Variants in SENP6 observed in about 807,000 individuals in gnomAD.
SENP6 encodes the protein SUMO specific peptidase 6.
SENP6 carries 41 observed loss-of-function variants against 134.5 expected under a neutral mutation model. The ratio of observed to expected loss-of-function variants is 0.30; its 90% CI spans 0.24 to 0.40. The LOEUF (loss-of-function observed/expected upper bound fraction) is 0.40, where lower values mean the gene tolerates loss of function less well. Among genes scored for constraint, SENP6 ranks in the 10% least tolerant of loss-of-function variants. The pLI is 1.00. For synonymous variants in SENP6, 395 were observed against 429.8 expected (o/e 0.92, Z 1.00); for missense variants, 1,248 against 1,312.5 (o/e 0.95, Z 0.76).
chr6:75,648,240 GGTGA>G (rs754135870), intron 7 of SENP6, among the ~76,000 whole-genome samples: 2 of 151,924 alleles, frequency 1.3e-5, no homozygotes, highest in Admixed American at 6.6e-5. Context: ...GGAAAATCAT[GGTGA>G]GTAAGTATTT....
At chr6:75,706,317 A>C (rs182165815) in intron 19 of SENP6, among the ~76,000 whole-genome samples, 1 of 152,288 alleles carries the variant, frequency 6.6e-6, no homozygotes, top group East Asian at 1.9e-4. Flanking sequence ...ATTAGACTGT[A>C]TGCTTTAAAT....
chr6:75,717,637 A>G lies in SENP6; in HGVS notation c.*2043A>G, dbSNP rs183054603. On this transcript the variant is annotated 3_prime_UTR_variant, in exon 24 of 24. Coordinates refer to ENST00000447266, the MANE Select transcript of SENP6 (RefSeq NM_015571.4). ...CTAGACTTGAGAATCTTTCGTGTAT[A>G]TGCACATTCACTTGATAATTGTGTA... The G allele has an allele frequency of 1.0e-3, 159 of 152,282 alleles. No individual in the cohort carries two copies. The highest frequency in any genetic ancestry group is 3.7e-3 in the African/African-American group (154 of 41,580). 9.4% of individuals were successfully genotyped at this position (152,282 alleles called of 1,614,324 possible). A position where few individuals can be genotyped will look rare whatever the true frequency, so the allele number is the denominator to read the frequency against.
At chr6:75,693,406 A>AT (rs1450049376) in intron 16 of SENP6, among the ~76,000 whole-genome samples, 2 of 122,892 alleles carry the variant, frequency 1.6e-5, no homozygotes, top group Non-Finnish European at 3.5e-5. Context: ...TCAGTCTGAA[A>AT]TTTAAAAAAA....
chr6:75,706,429 T>C (rs957721832), intron 19 of SENP6, among the ~76,000 whole-genome samples: 40 of 151,972 alleles, frequency 2.6e-4, no homozygotes, highest in African/African-American at 9.7e-4. Flanking sequence ...TGAATTAAGG[T>C]ACTTGACTTA....
rs1479558878 is a variant in SENP6, at chr6:75,601,941, CCT to C, written c.-583_-582del. ...GAGGCGGTGGCAGAGGAGACCCACCCCTGTCCACATGGACAGTCGCAAAGGCC... is the reference window on the plus strand; with the variant it reads ...GAGGCGGTGGCAGAGGAGACCCACCCGTCCACATGGACAGTCGCAAAGGCC... On this transcript the variant is annotated 5_prime_UTR_variant, in exon 1 of 24. Transcript: ENST00000447266. 1 of 152,164 alleles carries C rather than the reference CCT, an allele frequency of 6.6e-6. No homozygotes were observed. The highest frequency in any genetic ancestry group is 1.5e-5 in the Non-Finnish European group (1 of 68,052). The allele number at this position is 152,164 out of a possible 1,614,324, so 9.4% of individuals were successfully genotyped here.
intron 9 of SENP6, 57 bp downstream of exon 9, chr6:75,663,575 A>G (rs1771942729): frequency 7.4e-7 from 1 of 1,357,082 alleles, no homozygotes. Context: ...TTTCAGATAT[A>G]TTTTTACAAC....
At chr6:75,645,540 C>T (rs982201035) in intron 6 of SENP6, among the ~76,000 whole-genome samples, 1 of 152,092 alleles carries the variant, frequency 6.6e-6, no homozygotes, top group African/African-American at 2.4e-5. Context: ...TCACTTGAAC[C>T]CGGGAGGCAG....
At chr6:75,675,367 T>C in intron 11 of SENP6, 68 bp from the exon 12 acceptor site, 1 of 879,028 alleles carries the variant, frequency 1.1e-6, no homozygotes, top group South Asian at 1.5e-5. Context: ...TCTAAGTATT[T>C]GAATAAAAAA....
intron 10 of SENP6, among the ~76,000 whole-genome samples, chr6:75,669,297 G>C (rs372060537): frequency 6.6e-6 from 1 of 152,030 alleles, no homozygotes; most frequent in African/African-American, 2.4e-5. Flanking sequence ...TGGAGGTTGC[G>C]GTGAGCTGAG....
rs773010205 is a variant in SENP6 at position 75,695,951 on chromosome 6, A to G, written c.2195+28A>G. On this transcript the variant is annotated intron_variant, in intron 17 of 23. Coordinates refer to ENST00000447266, the MANE Select transcript of SENP6 (RefSeq NM_015571.4). Reference sequence around the variant, plus strand: ...AAGTCAAACTCTGAAAATATTTAACAGATGTAAGTCACTCACATTTAACTA... The same window carrying G: ...AAGTCAAACTCTGAAAATATTTAACGGATGTAAGTCACTCACATTTAACTA... The G allele has an allele frequency of 2.6e-6, 4 of 1,557,058 alleles. No homozygotes were observed. The Admixed American group carries it at 6.2e-5, about 24-fold the overall frequency.
chr6:75,678,838 T>C lies in SENP6; in HGVS notation c.1986T>C (p.Ala662=), dbSNP rs770264240. Reference sequence around the variant, plus strand: ...TGATAGTATATCCACCACCTCCAGCTAAGGGAGGCATCTCTGTTACCAATG... The same window carrying C: ...TGATAGTATATCCACCACCTCCAGCCAAGGGAGGCATCTCTGTTACCAATG... The part of the protein sequence containing the change: ...EKLIVYPPPP[A]KGGISVTNED... The change falls in exon 16 of 24, where the codon GCT becomes GCC. Residue 662 remains alanine (A), a synonymous_variant. Coordinates refer to ENST00000447266, the MANE Select transcript of SENP6 (RefSeq NM_015571.4). 5.0e-6 allele frequency: 8 copies of C among 1,607,268 alleles called. No homozygotes were observed. In the Admixed American group the frequency reaches 1.3e-4, roughly 27 times the overall value.
intron 19 of SENP6, among the ~76,000 whole-genome samples, chr6:75,705,232 C>T (rs7741131): frequency 3.3e-5 from 5 of 152,126 alleles, no homozygotes; most frequent in African/African-American, 1.2e-4. Flanking sequence ...TTGAGTCAGT[C>T]CTGTAGTTGT....
At chr6:75,609,948 T>G (rs1189880739) in intron 1 of SENP6, among the ~76,000 whole-genome samples, 1 of 152,072 alleles carries the variant, frequency 6.6e-6, no homozygotes, top group African/African-American at 2.4e-5. Context: ...CCACCATGCC[T>G]GACTAATTTT....
rs1180280390 is a variant in SENP6, at chr6:75,716,057, A to C, written c.*463A>C. On this transcript the variant is annotated 3_prime_UTR_variant, in exon 24 of 24. Coordinates refer to ENST00000447266, the MANE Select transcript of SENP6 (RefSeq NM_015571.4). ...AAAATGTGAAAATAATATTAAATCT[A>C]AGATATTTTGAACTAAGCATCTTTA... is the stretch of plus-strand genomic sequence containing the variant. 6.5e-6 allele frequency: 1 copy of C among 152,870 alleles called. No homozygotes were observed. Among genetic ancestry groups the C allele is most frequent in the Non-Finnish European group, 1.5e-5 (1 of 68,270 alleles). 9.5% of individuals were successfully genotyped at this position (152,870 alleles called of 1,614,324 possible). A position where few individuals can be genotyped will look rare whatever the true frequency, so the allele number is the denominator to read the frequency against.
chr6:75,715,673 G>A lies in SENP6; in HGVS notation c.*79G>A. 1 of 1,006,928 alleles carries A rather than the reference G, an allele frequency of 9.9e-7. No homozygotes were observed. The highest frequency in any genetic ancestry group is 1.5e-6 in the Non-Finnish European group (1 of 670,472). The allele number at this position is 1,006,928 out of a possible 1,614,324, so 62.4% of individuals were successfully genotyped here. A position where few individuals can be genotyped will look rare whatever the true frequency, so the allele number is the denominator to read the frequency against. On this transcript the variant is annotated 3_prime_UTR_variant, in exon 24 of 24. Coordinates refer to ENST00000447266, the MANE Select transcript of SENP6 (RefSeq NM_015571.4). ...TGGGTATAGACAATAAAGAACTGAA[G>A]TGCTCACTACTCAGTGATTTGGAAA...
chr6:75,638,093 C>G (rs896140157), intron 5 of SENP6, among the ~76,000 whole-genome samples: 63 of 152,048 alleles, frequency 4.1e-4, no homozygotes, highest in African/African-American at 1.4e-3. Flanking sequence ...AACTCTTTAC[C>G]TCAAATAGTC....
At chr6:75,666,152 CAT>C (rs34716703) in intron 9 of SENP6, among the ~76,000 whole-genome samples, 55,553 of 139,910 alleles carry the variant, frequency 0.4, 11,123 homozygotes, top group East Asian at 0.56. Context: ...ATATATAAAA[CAT>C]ATATGATATA....
chr6:75,621,372 TTTTCTC>T (rs1176797225), intron 1 of SENP6, among the ~76,000 whole-genome samples, 154 bp from the exon 2 acceptor site: 2 of 152,206 alleles, frequency 1.3e-5, no homozygotes, highest in Admixed American at 1.3e-4. Context: ...AATGTCTTCT[TTTTCTC>T]TTTGGAGGAA....
At chr6:75,631,844 T>C (rs1769135491) in intron 3 of SENP6, among the ~76,000 whole-genome samples, 1 of 152,218 alleles carries the variant, frequency 6.6e-6, no homozygotes, top group South Asian at 2.1e-4. Context: ...TAGATTGATA[T>C]CCGGAGGCCC....
Sources: allele counts gnomAD v4.1 joint callset (sites outside exome capture counted in the v4.1 genomes callset), GRCh38; gene constraint gnomAD v4.1.1; transcripts MANE v1.5; gene names NCBI Gene and HGNC (gene_info 2026-07-23, HGNC 2026-07-21).